Variants in PPP3CC observed in about 807,000 individuals in gnomAD.
PPP3CC encodes the protein protein phosphatase 3 catalytic subunit gamma.
Under a neutral mutation model 60.3 loss-of-function variants are expected in PPP3CC, and 35 were observed. The ratio of observed to expected loss-of-function variants is 0.58; its 90% confidence interval spans 0.44 to 0.77. PPP3CC has a LOEUF of 0.77. PPP3CC is among the 30% of genes least tolerant of loss of function. The pLI is 0.00. For synonymous variants in PPP3CC, 206 were observed against 224.3 expected (o/e 0.92, Z 0.73); for missense variants, 570 against 628.9 (o/e 0.91, Z 1.00).
intron 1 of PPP3CC, among the ~76,000 whole-genome samples, chr8:22,467,999 C>T (rs1392086987): frequency 6.6e-6 from 1 of 152,178 alleles, no homozygotes; most frequent in Non-Finnish European, 1.5e-5. Flanking sequence ...AGATATTCCA[C>T]GTCTTAATAC....
chr8:22,526,630 T>G (rs17060888), intron 8 of PPP3CC, among the ~76,000 whole-genome samples: 1,767 of 152,316 alleles, frequency 0.012, 36 homozygotes, highest in African/African-American at 0.04. Context: ...CCCTGTTTTA[T>G]TTTATGACCA....
intron 1 of PPP3CC, among the ~76,000 whole-genome samples, chr8:22,459,455 A>ATGTGTG (rs56870564): frequency 0.42 from 63,143 of 150,100 alleles, 13,479 homozygotes; most frequent in East Asian, 0.67. Context: ...TCACTTTGTT[A>ATGTGTG]TGTGTGTGTG....
rs187423320 is a variant in PPP3CC at position 22,444,171 on chromosome 8, G to A, written c.49+2713G>A. On this transcript the variant is annotated intron_variant, in intron 1 of 13. Transcript: ENST00000240139. ...CTTGGGAGGCTGAGGCAGGAGAATCGCTTGAACCCAGGAGGCAGAGGCTAT... is the reference window on the plus strand; with the variant it reads ...CTTGGGAGGCTGAGGCAGGAGAATCACTTGAACCCAGGAGGCAGAGGCTAT... Among the ~76,000 whole-genome samples, 27 of 151,578 alleles carry A rather than the reference G, an allele frequency of 1.8e-4. No homozygotes were observed. In the East Asian group the frequency reaches 4.7e-3, roughly 26 times the overall value.
chr8:22,518,573 A>G (rs1470856699), intron 6 of PPP3CC, among the ~76,000 whole-genome samples: 1 of 152,164 alleles, frequency 6.6e-6, no homozygotes, highest in East Asian at 1.9e-4. Flanking sequence ...AAAGTTTTGT[A>G]TATGCGTATT....
chr8:22,462,258 A>T (rs1321213903), intron 1 of PPP3CC, among the ~76,000 whole-genome samples: 2 of 152,084 alleles, frequency 1.3e-5, no homozygotes, highest in African/African-American at 4.8e-5. Context: ...AAGAAAAAAA[A>T]TAAGGTTTGA....
chr8:22,535,666 G>A (rs773814852), intron 12 of PPP3CC, among the ~76,000 whole-genome samples: 1 of 152,066 alleles, frequency 6.6e-6, no homozygotes, highest in Non-Finnish European at 1.5e-5. Context: ...TGGCCATCCT[G>A]CCATTTATAG....
intron 3 of PPP3CC, among the ~76,000 whole-genome samples, chr8:22,497,603 C>G (rs187070369): frequency 1.2e-4 from 18 of 152,282 alleles, no homozygotes; most frequent in African/African-American, 4.3e-4. Context: ...TCTTAACCCT[C>G]TAATTGAGGT....
intron 1 of PPP3CC, among the ~76,000 whole-genome samples, chr8:22,473,790 T>C (rs1470002552): frequency 5.9e-5 from 9 of 152,032 alleles, no homozygotes; most frequent in Non-Finnish European, 1.2e-4. Context: ...TTATGCTCTG[T>C]TACTACAGCA....
chr8:22,495,660 G>A (rs1336248602), intron 3 of PPP3CC, among the ~76,000 whole-genome samples: 1 of 152,072 alleles, frequency 6.6e-6, no homozygotes, highest in Non-Finnish European at 1.5e-5. Flanking sequence ...CCAGGTTCAA[G>A]CGATTCTTCT....
intron 3 of PPP3CC, among the ~76,000 whole-genome samples, chr8:22,485,076 G>A (rs183498329): frequency 5.9e-5 from 9 of 152,248 alleles, no homozygotes; most frequent in Admixed American, 5.9e-4. Context: ...ACAACAGACT[G>A]TTTGAATGAT....
chr8:22,489,816 A>AT (rs1838345628), intron 3 of PPP3CC, among the ~76,000 whole-genome samples: 1 of 145,678 alleles, frequency 6.9e-6, no homozygotes, highest in Non-Finnish European at 1.5e-5. Context: ...CATAACAAAT[A>AT]AATATATATA....
At position 22,475,635 on chromosome 8, in the gene PPP3CC, A is replaced by C; in HGVS notation, c.372+11A>C. The C allele has an allele frequency of 6.2e-7, 1 of 1,608,822 alleles. No individual in the cohort carries two copies. The highest frequency in any genetic ancestry group is 8.5e-7 in the Non-Finnish European group (1 of 1,177,062). On this transcript the variant is annotated intron_variant, in intron 3 of 13. Coordinates refer to ENST00000240139, the MANE Select transcript of PPP3CC (RefSeq NM_005605.5). ...TATTTCAGTATAGAGGTAAAAATTAAACTGGATATGTTGGGACTATTATAT... is the reference window on the plus strand; with the variant it reads ...TATTTCAGTATAGAGGTAAAAATTACACTGGATATGTTGGGACTATTATAT...
chr8:22,470,015 A>T (rs966069780), intron 1 of PPP3CC, among the ~76,000 whole-genome samples: 8 of 151,236 alleles, frequency 5.3e-5, no homozygotes, highest in Non-Finnish European at 2.9e-5. Flanking sequence ...TATATATATG[A>T]TATGGGTGAT....
intron 8 of PPP3CC, among the ~76,000 whole-genome samples, chr8:22,526,745 G>GTA (rs1839571504): frequency 6.6e-6 from 1 of 152,232 alleles, no homozygotes; most frequent in African/African-American, 2.4e-5. Context: ...TGGCATCAAA[G>GTA]TATGTGTGCG....
chr8:22,538,173 C>G (rs79441483), intron 12 of PPP3CC, among the ~76,000 whole-genome samples: 3,371 of 152,202 alleles, frequency 0.022, 139 homozygotes, highest in African/African-American at 0.077. Flanking sequence ...ATGTGAATAG[C>G]AATTCTGGGA....
intron 4 of PPP3CC, among the ~76,000 whole-genome samples, chr8:22,502,047 A>T (rs541202162): frequency 6.6e-5 from 10 of 152,068 alleles, no homozygotes; most frequent in Non-Finnish European, 1.2e-4. Context: ...TAAATAAGTA[A>T]ATAAATGTTC....
chr8:22,510,821 A>G (rs1839064494), intron 4 of PPP3CC: 4 of 360,898 alleles, frequency 1.1e-5, no homozygotes, highest in Middle Eastern at 8.0e-4. Flanking sequence ...ATGTTGCCTA[A>G]TAACACAGTG....
At position 22,478,147 on chromosome 8, in the gene PPP3CC, G is replaced by T. The variant is rs570020934; in HGVS notation, c.372+2523G>T. The stretch of plus-strand genomic sequence containing the variant: ...TTACAGGTGTGAGCCACTGCGCCTG[G>T]CAATAAAACAACTTTTTTTTTTGAG... On this transcript the variant is annotated intron_variant, in intron 3 of 13. Coordinates refer to ENST00000240139, the MANE Select transcript of PPP3CC (RefSeq NM_005605.5). Among the ~76,000 whole-genome samples, 26 of 151,286 alleles carry T rather than the reference G, an allele frequency of 1.7e-4. 1 individual carries two copies. The South Asian group carries it at 3.6e-3, about 21-fold the overall frequency.
chr8:22,509,501 C>G (rs1461503675), intron 4 of PPP3CC, among the ~76,000 whole-genome samples: 2 of 152,134 alleles, frequency 1.3e-5, no homozygotes, highest in Non-Finnish European at 2.9e-5. Context: ...CACAGCTTGA[C>G]TTTTTGAAAC....
Sources: gnomAD v4.1 joint callset for allele counts (sites outside exome capture counted in the v4.1 genomes callset) on GRCh38, gnomAD v4.1.1 for gene constraint, MANE v1.5 for transcripts, NCBI Gene and HGNC (gene_info 2026-07-23, HGNC 2026-07-21) for gene names.